Variants in HAPLN1 observed in about 807,000 individuals in gnomAD.
HAPLN1 encodes the protein hyaluronan and proteoglycan link protein 1.
A neutral mutation model predicts 36.5 loss-of-function variants in HAPLN1; 13 were observed. The ratio of observed to expected loss-of-function variants is 0.36; its 90% confidence interval spans 0.23 to 0.57. The LOEUF (loss-of-function observed/expected upper bound fraction) is 0.57. Among genes scored for constraint, HAPLN1 ranks in the 20% least tolerant of loss-of-function variants. The probability of loss-of-function intolerance (pLI) is 0.83; values close to 1 mark genes in which losing one functional copy is unlikely to be tolerated. For missense variants in HAPLN1, 407 were observed against 439.7 expected (o/e 0.93, Z 0.66); for synonymous variants, 202 against 169.8 (o/e 1.19, Z -1.48).
At chr5:83,700,888 A>ACATTTTGAAAAAT in intron 1 of HAPLN1, among the ~76,000 whole-genome samples, 1 of 152,208 alleles carries the variant, frequency 6.6e-6, no homozygotes, top group South Asian at 2.1e-4. Context: ...TTCAAAATAA[A>ACATTTTGAAAAAT]GTTTTTCAAC....
chr5:83,693,137 C>G (rs1470241858), intron 1 of HAPLN1, among the ~76,000 whole-genome samples: 1 of 151,838 alleles, frequency 6.6e-6, no homozygotes, highest in Non-Finnish European at 1.5e-5. Flanking sequence ...TATGGCCTCT[C>G]TCTCTCAAAA....
chr5:83,691,696 C>T (rs572242904), intron 1 of HAPLN1, among the ~76,000 whole-genome samples: 57 of 151,792 alleles, frequency 3.8e-4, no homozygotes, highest in African/African-American at 7.5e-4. Flanking sequence ...TTAAAACATA[C>T]GGAATCCAAC....
In HAPLN1 at chr5:83,648,395, CTATATATATATATATA is replaced by C. The variant is rs56115447; in HGVS notation, c.473-3746_473-3731del. On this transcript the variant is annotated intron_variant, in intron 3 of 4. Transcript: ENST00000274341. ...GGATGTGGCCTCTTCCTATATTTGA[CTATATATATATATATA>C]TATATATATATATATATATATATAT... is the stretch of plus-strand genomic sequence containing the variant. Among the ~76,000 whole-genome samples the C allele has an allele frequency of 7.8e-3, 474 of 60,664 alleles. 7 individuals are homozygous for C. The highest frequency in any genetic ancestry group is 0.019 in the African/African-American group (327 of 16,882). The allele number at this position is 60,664 out of a possible 152,430, so 39.8% of individuals were successfully genotyped here.
chr5:83,693,826 C>A (rs1404987434), intron 1 of HAPLN1, among the ~76,000 whole-genome samples: 2 of 151,594 alleles, frequency 1.3e-5, no homozygotes, highest in Non-Finnish European at 3.0e-5. Flanking sequence ...TTCAAAAATA[C>A]CTGAAGCAAA....
rs778597881 is a variant in HAPLN1 at position 83,638,525 on chromosome 5, C to T, written c.*2971G>A. 20 of 152,072 alleles carry T rather than the reference C, an allele frequency of 1.3e-4. No individual in the cohort carries two copies. The highest frequency in any genetic ancestry group is 2.5e-4 in the Non-Finnish European group (17 of 67,896). The allele number at this position is 152,072 out of a possible 1,614,324, so 9.4% of individuals were successfully genotyped here. On this transcript the variant is annotated 3_prime_UTR_variant, in exon 5 of 5. Transcript: ENST00000274341. ...GATAAGTGATTCCCTTTTAATCCTC[C>T]CCTCCTTAGTGGTCAGCTACTCCAT... is the stretch of plus-strand genomic sequence containing the variant.
At chr5:83,645,597 G>A (rs958225501) in intron 3 of HAPLN1, among the ~76,000 whole-genome samples, 2 of 150,612 alleles carry the variant, frequency 1.3e-5, no homozygotes, top group African/African-American at 4.9e-5. Context: ...CCCTGCTAAA[G>A]TGGACTCCTT....
intron 2 of HAPLN1, among the ~76,000 whole-genome samples, chr5:83,669,494 G>A (rs751095808): frequency 7.9e-5 from 12 of 151,990 alleles, no homozygotes; most frequent in Admixed American, 3.3e-4. Flanking sequence ...GCAAGACTCC[G>A]TCTCAAAAAT....
intron 1 of HAPLN1, among the ~76,000 whole-genome samples, chr5:83,702,625 T>C (rs1345881304): frequency 6.6e-6 from 1 of 152,226 alleles, no homozygotes; most frequent in Non-Finnish European, 1.5e-5. Context: ...TTGGCATTTC[T>C]TAAAGTGGAA....
chr5:83,717,125 A>G (rs555800522), intron 1 of HAPLN1, among the ~76,000 whole-genome samples: 89 of 152,350 alleles, frequency 5.8e-4, no homozygotes, highest in African/African-American at 2.1e-3. Flanking sequence ...CTCTCTCACT[A>G]GAATGAGTAT....
chr5:83,644,785 G>T, intron 3 of HAPLN1, 120 bp from the exon 4 acceptor site: 1 of 593,548 alleles, frequency 1.7e-6, no homozygotes, highest in Non-Finnish European at 2.6e-6. Flanking sequence ...GTAGTTTTTC[G>T]TCAACTAGCA....
intron 1 of HAPLN1, among the ~76,000 whole-genome samples, chr5:83,684,493 C>T (rs951801619): frequency 7.2e-5 from 11 of 152,076 alleles, no homozygotes; most frequent in Non-Finnish European, 1.3e-4. Context: ...TTGGCAGGCA[C>T]CTAACCCAGC....
At chr5:83,670,714 T>TGA (rs1491007926) in intron 2 of HAPLN1, among the ~76,000 whole-genome samples, 2 of 144,658 alleles carry the variant, frequency 1.4e-5, no homozygotes, top group Admixed American at 7.1e-5. Context: ...TGTGTGTGTG[T>TGA]GATGGAGTCT....
chr5:83,676,149 C>T (rs1028173264), intron 1 of HAPLN1, among the ~76,000 whole-genome samples: 2 of 144,684 alleles, frequency 1.4e-5, no homozygotes, highest in Admixed American at 6.7e-5. Context: ...CATGTGTGCA[C>T]ACATACACAG....
At chr5:83,657,024 A>T (rs1332728502) in intron 2 of HAPLN1, among the ~76,000 whole-genome samples, 7 of 152,020 alleles carry the variant, frequency 4.6e-5, no homozygotes, top group African/African-American at 1.7e-4. Flanking sequence ...GGCGGTTTAT[A>T]CCCGCAGAAA....
chr5:83,720,006 T>G (rs1751987325), intron 1 of HAPLN1, among the ~76,000 whole-genome samples: 1 of 152,228 alleles, frequency 6.6e-6, no homozygotes, highest in South Asian at 2.1e-4. Flanking sequence ...TATTCTCAAA[T>G]TAATAAGCCA....
At chr5:83,661,514 A>G (rs1032025490) in intron 2 of HAPLN1, among the ~76,000 whole-genome samples, 4 of 128,640 alleles carry the variant, frequency 3.1e-5, no homozygotes, top group East Asian at 2.3e-4. Flanking sequence ...GCGCGATCTC[A>G]GCTCACTGCA....
At chr5:83,697,938 AG>A (rs1159346892) in intron 1 of HAPLN1, among the ~76,000 whole-genome samples, 33 of 152,212 alleles carry the variant, frequency 2.2e-4, no homozygotes, top group African/African-American at 7.9e-4. Flanking sequence ...GATATATACT[AG>A]CATAAGATTT....
chr5:83,678,089 A>G (rs1750900924), intron 1 of HAPLN1, among the ~76,000 whole-genome samples: 1 of 152,096 alleles, frequency 6.6e-6, no homozygotes. Context: ...TAAGTTTTTA[A>G]GATTACTGGG....
intron 2 of HAPLN1, among the ~76,000 whole-genome samples, chr5:83,653,215 A>G (rs1235264552): frequency 1.3e-5 from 2 of 152,230 alleles, no homozygotes; most frequent in African/African-American, 4.8e-5. Context: ...GGGTTCGTCA[A>G]TATAAACCCA....
Sources: gnomAD v4.1 joint callset for allele counts (sites outside exome capture counted in the v4.1 genomes callset) on GRCh38, gnomAD v4.1.1 for gene constraint, MANE v1.5 for transcripts, NCBI Gene and HGNC (gene_info 2026-07-23, HGNC 2026-07-21) for gene names.